AVL9: variants seen among roughly 807,000 people sequenced by gnomAD.
AVL9 encodes late secretory pathway protein AVL9 homolog.
A neutral mutation model predicts 79.2 loss-of-function variants in AVL9; 49 were observed. The ratio of observed to expected loss-of-function variants is 0.62; its 90% confidence interval spans 0.49 to 0.79. AVL9 has a LOEUF of 0.79. Ranked by LOEUF, AVL9 falls within the 30% of genes least tolerant of loss-of-function variation. The probability of loss-of-function intolerance (pLI) is 0.00; values close to 1 mark genes in which losing one functional copy is unlikely to be tolerated. For missense variants in AVL9, 682 were observed against 776.8 expected (o/e 0.88, Z 1.45); for synonymous variants, 299 against 280.6 (o/e 1.07, Z -0.65).
chr7:32,502,379 TA>T (rs1787166200), intron 1 of AVL9, among the ~76,000 whole-genome samples: 1 of 79,108 alleles, frequency 1.3e-5, no homozygotes, highest in South Asian at 4.8e-4. Flanking sequence ...GGTGAGAGAG[TA>T]AAACCCTTTC....
intron 1 of AVL9, among the ~76,000 whole-genome samples, chr7:32,510,848 T>C (rs1018957367): frequency 7.8e-6 from 1 of 128,524 alleles, no homozygotes; most frequent in East Asian, 2.4e-4. Flanking sequence ...CAGGGTGAGA[T>C]TCATGAGCCA....
intron 1 of AVL9, among the ~76,000 whole-genome samples, chr7:32,523,053 T>G (rs974382771): frequency 6.8e-6 from 1 of 146,104 alleles, no homozygotes; most frequent in African/African-American, 2.5e-5. Context: ...CAGGTATGAA[T>G]CAGCAGCATG....
intron 10 of AVL9, among the ~76,000 whole-genome samples, chr7:32,565,396 C>T (rs1790515592): frequency 6.6e-6 from 1 of 151,906 alleles, no homozygotes; most frequent in Non-Finnish European, 1.5e-5. Context: ...CCCGTCTCTA[C>T]TAAAGATACA....
At chr7:32,553,878 T>C (rs1789949728) in intron 7 of AVL9, 111 bp downstream of exon 7, 5 of 710,514 alleles carry the variant, frequency 7.0e-6, no homozygotes, top group Admixed American at 4.6e-5. Flanking sequence ...TGAATGCAGA[T>C]TGTGGCATAC....
intron 14 of AVL9, 102 bp downstream of exon 14, chr7:32,580,374 T>C: frequency 3.2e-6 from 3 of 923,642 alleles, no homozygotes; most frequent in South Asian, 1.5e-5. Flanking sequence ...GATAGACTTA[T>C]GCTTCAAATA....
At chr7:32,518,347 AATT>A (rs777934417) in intron 1 of AVL9, among the ~76,000 whole-genome samples, 1 of 152,232 alleles carries the variant, frequency 6.6e-6, no homozygotes, top group Non-Finnish European at 1.5e-5. Context: ...AAAATAAAAT[AATT>A]AGTTAAATGT....
chr7:32,497,468 G>A (rs1366270079), intron 1 of AVL9, among the ~76,000 whole-genome samples: 1 of 152,110 alleles, frequency 6.6e-6, no homozygotes, highest in African/African-American at 2.4e-5. Context: ...TGTAAGATTT[G>A]CCCCAGGATA....
chr7:32,541,252 G>A (rs944495240), intron 1 of AVL9, among the ~76,000 whole-genome samples: 6 of 151,950 alleles, frequency 3.9e-5, no homozygotes, highest in African/African-American at 1.2e-4. Context: ...ACCCTAAAGA[G>A]AAACATATTT....
At chr7:32,501,465 T>C (rs1787122721) in intron 1 of AVL9, among the ~76,000 whole-genome samples, 1 of 152,228 alleles carries the variant, frequency 6.6e-6, no homozygotes, top group South Asian at 2.1e-4. Flanking sequence ...CACTGCACTT[T>C]TATTTCTTCA....
At chr7:32,515,451 G>A (rs1328508877) in intron 1 of AVL9, among the ~76,000 whole-genome samples, 1 of 152,226 alleles carries the variant, frequency 6.6e-6, no homozygotes, top group East Asian at 1.9e-4. Flanking sequence ...GAGATCCAAA[G>A]TGTATTTTGC....
chr7:32,503,357 GAGAGAT>G (rs1562749488), intron 1 of AVL9, among the ~76,000 whole-genome samples: 117 of 89,390 alleles, frequency 1.3e-3, no homozygotes, highest in African/African-American at 4.6e-3. Context: ...TATAGATATA[GAGAGAT>G]ATATATATAT....
intron 1 of AVL9, among the ~76,000 whole-genome samples, chr7:32,512,033 T>G (rs539949361): frequency 6.6e-6 from 1 of 152,336 alleles, no homozygotes; most frequent in African/African-American, 2.4e-5. Context: ...TTAGGACATT[T>G]CTTGATGGAA....
intron 11 of AVL9, among the ~76,000 whole-genome samples, chr7:32,571,937 G>A (rs977408123): frequency 3.9e-5 from 6 of 152,180 alleles, no homozygotes; most frequent in South Asian, 2.1e-4. Flanking sequence ...GCCAAGGTGG[G>A]CGGGTCACAA....
intron 10 of AVL9, among the ~76,000 whole-genome samples, chr7:32,561,449 C>T (rs999272046): frequency 2.6e-5 from 4 of 151,732 alleles, no homozygotes; most frequent in East Asian, 1.9e-4. Context: ...TGGCTTCATA[C>T]TTCTGCATCT....
chr7:32,535,481 T>C (rs1788859630), intron 1 of AVL9: 1 of 152,220 alleles, frequency 6.6e-6, no homozygotes, highest in Non-Finnish European at 1.5e-5. Context: ...AAACTACTGA[T>C]TTACTTTTTG....
At position 32,548,698 on chromosome 7, in the gene AVL9, G is replaced by A; in HGVS notation, c.301-149G>A. ...GCCCAAACTGACATTTATTTGTTCA[G>A]TATTTCCTGAGAGTCTTAATAAAAA... On this transcript the variant is annotated intron_variant, in intron 3 of 15. Transcript: ENST00000318709. The A allele has an allele frequency of 5.8e-6, 3 of 521,492 alleles. 1 individual carries two copies. The South Asian group carries it at 9.9e-5, about 17-fold the overall frequency. The allele number at this position is 521,492 out of a possible 1,614,324, so 32.3% of individuals were successfully genotyped here.
intron 12 of AVL9, among the ~76,000 whole-genome samples, chr7:32,574,778 T>C (rs990984175): frequency 5.9e-5 from 9 of 151,998 alleles, no homozygotes; most frequent in African/African-American, 2.2e-4. Context: ...GCCCATACTC[T>C]TACAAGTAAC....
intron 7 of AVL9, among the ~76,000 whole-genome samples, chr7:32,554,055 T>G (rs1562784645): frequency 3.3e-5 from 5 of 152,198 alleles, no homozygotes; most frequent in Non-Finnish European, 5.9e-5. Flanking sequence ...ATCATGAGAT[T>G]AGAGTGGAAA....
intron 1 of AVL9, among the ~76,000 whole-genome samples, chr7:32,512,066 C>G (rs1787698739): frequency 6.6e-6 from 1 of 152,188 alleles, no homozygotes; most frequent in Non-Finnish European, 1.5e-5. Context: ...AACATACATG[C>G]TCCCTTTTAT....
Sources: gnomAD v4.1 joint callset for allele counts (sites outside exome capture counted in the v4.1 genomes callset) on GRCh38, gnomAD v4.1.1 for gene constraint, MANE v1.5 for transcripts, NCBI Gene and HGNC (gene_info 2026-07-23, HGNC 2026-07-21) for gene names.